Variants in HMBOX1 observed in about 807,000 individuals in gnomAD.
HMBOX1 encodes homeobox-containing protein 1.
A neutral mutation model predicts 54.5 loss-of-function variants in HMBOX1; 14 were observed. The ratio of observed to expected loss-of-function variants is 0.26; its 90% CI spans 0.17 to 0.40. The LOEUF (loss-of-function observed/expected upper bound fraction) is 0.40, where lower values mean the gene tolerates loss of function less well. Ranked by LOEUF, HMBOX1 falls within the 10% of genes least tolerant of loss-of-function variation. The pLI, the probability that HMBOX1 is intolerant of heterozygous loss-of-function variation, is 1.00. For synonymous variants in HMBOX1, 160 were observed against 181.0 expected, an observed-to-expected ratio of 0.88 and a Z score of 0.93; for missense variants, 332 against 514.4, an observed-to-expected ratio of 0.65 and a Z score of 3.43.
intron 1 of HMBOX1, among the ~76,000 whole-genome samples, chr8:28,936,799 T>TAA (rs58487085): frequency 1.3e-3 from 168 of 128,990 alleles, no homozygotes; most frequent in East Asian, 7.3e-3. Context: ...ACCAGAGGGT[T>TAA]AAAAAAAAAA....
intron 8 of HMBOX1, among the ~76,000 whole-genome samples, chr8:29,047,936 T>G (rs1052475649): frequency 2.6e-5 from 4 of 152,216 alleles, no homozygotes; most frequent in Non-Finnish European, 5.9e-5. Context: ...ACAGTTAGTA[T>G]TATTTACACT....
In HMBOX1 at chr8:29,047,527, A is replaced by G. The variant is rs10107494; in HGVS notation, c.1030+74A>G. Reference sequence around the variant, plus strand: ...TCATGTTTATATTAAGATTAACTTCAGTTTAGAAACTGCAAGTCTAAAGGA... The same window carrying G: ...TCATGTTTATATTAAGATTAACTTCGGTTTAGAAACTGCAAGTCTAAAGGA... On this transcript the variant is annotated intron_variant, in intron 8 of 9. Transcript: ENST00000287701. 5.5e-3 allele frequency: 4,169 copies of G among 756,600 alleles called. 121 individuals are homozygous for G. The African/African-American group carries it at 0.067, about 12-fold the overall frequency. The allele number at this position is 756,600 out of a possible 1,614,324, so 46.9% of individuals were successfully genotyped here.
chr8:28,930,840 C>T lies in HMBOX1; in HGVS notation c.-57-32971C>T, dbSNP rs183657887. 3.0e-3 allele frequency among the ~76,000 whole-genome samples: 463 copies of T among 152,174 alleles called. 5 individuals are homozygous for T. Among genetic ancestry groups the T allele is most frequent in the Admixed American group, 0.024 (369 of 15,278 alleles). On this transcript the variant is annotated intron_variant, in intron 1 of 9. Coordinates refer to ENST00000287701, the MANE Select transcript of HMBOX1 (RefSeq NM_001135726.3). The stretch of plus-strand genomic sequence containing the variant: ...ACCATGTGTTATTTAGCCTGTGCAT[C>T]CTTAAATTATTGTTTGATTTGTGTT...
chr8:29,016,547 T>C (rs1414192909), intron 5 of HMBOX1, among the ~76,000 whole-genome samples: 2 of 152,244 alleles, frequency 1.3e-5, no homozygotes, highest in East Asian at 1.9e-4. Context: ...CAGCATTTAT[T>C]ATCTCATAGT....
intron 1 of HMBOX1, among the ~76,000 whole-genome samples, chr8:28,909,076 C>T (rs1345846422): frequency 1.3e-5 from 2 of 148,292 alleles, no homozygotes; most frequent in East Asian, 3.9e-4. Flanking sequence ...AGATGGGTGA[C>T]AGAGTGAGAC....
At chr8:29,044,567 T>C (rs1805304001) in intron 6 of HMBOX1, among the ~76,000 whole-genome samples, 1 of 152,098 alleles carries the variant, frequency 6.6e-6, no homozygotes, top group Non-Finnish European at 1.5e-5. Flanking sequence ...CTAAGCCCCC[T>C]CCCCACAAAT....
intron 1 of HMBOX1, among the ~76,000 whole-genome samples, chr8:28,952,831 A>G (rs909091439): frequency 3.3e-5 from 5 of 152,220 alleles, no homozygotes; most frequent in Non-Finnish European, 5.9e-5. Flanking sequence ...ATGATATGTG[A>G]TATATGTAAC....
intron 9 of HMBOX1, chr8:29,049,442 G>T: frequency 6.6e-7 from 1 of 1,506,060 alleles, no homozygotes; most frequent in Non-Finnish European, 8.9e-7. Context: ...AGAAATACTA[G>T]GGGCAGCTGG....
At chr8:28,962,329 A>G (rs957808534) in intron 1 of HMBOX1, among the ~76,000 whole-genome samples, 1 of 152,190 alleles carries the variant, frequency 6.6e-6, no homozygotes, top group Non-Finnish European at 1.5e-5. Flanking sequence ...ATAAATTTGT[A>G]TCAGTGACTT....
chr8:29,027,020 T>A (rs1802157980), intron 6 of HMBOX1, among the ~76,000 whole-genome samples: 1 of 152,166 alleles, frequency 6.6e-6, no homozygotes. Context: ...AAAAAGGATT[T>A]TGTTGTTTTT....
chr8:28,957,220 G>T (rs929541635), intron 1 of HMBOX1, among the ~76,000 whole-genome samples: 1 of 152,160 alleles, frequency 6.6e-6, no homozygotes, highest in Non-Finnish European at 1.5e-5. Flanking sequence ...GCCATGGAAT[G>T]CTACCCATAA....
chr8:28,986,582 A>G (rs1487366649), intron 4 of HMBOX1, among the ~76,000 whole-genome samples: 4 of 152,190 alleles, frequency 2.6e-5, no homozygotes, highest in Admixed American at 6.5e-5. Context: ...CTTCTACATG[A>G]AAGATGTAAT....
chr8:28,928,154 A>G (rs1015471178), intron 1 of HMBOX1, among the ~76,000 whole-genome samples: 7 of 151,890 alleles, frequency 4.6e-5, no homozygotes, highest in African/African-American at 1.7e-4. Flanking sequence ...AAGAACTACT[A>G]CTACTACCAT....
At chr8:28,920,022 G>C (rs149526708) in intron 1 of HMBOX1, among the ~76,000 whole-genome samples, 1,644 of 151,902 alleles carry the variant, frequency 0.011, 32 homozygotes, top group African/African-American at 0.038. Context: ...GCTAGACCTA[G>C]AGATGTATTG....
At chr8:28,964,225 A>G (rs1033889410) in intron 2 of HMBOX1, among the ~76,000 whole-genome samples, 7 of 152,176 alleles carry the variant, frequency 4.6e-5, no homozygotes, top group African/African-American at 1.7e-4. Context: ...TAACAGTTCA[A>G]GAGAGCTAAT....
At chr8:28,927,472 C>T (rs1818731051) in intron 1 of HMBOX1, among the ~76,000 whole-genome samples, 2 of 151,978 alleles carry the variant, frequency 1.3e-5, no homozygotes, top group South Asian at 4.1e-4. Context: ...TACTTCCACT[C>T]ATGGTGGAAG....
chr8:29,021,631 G>A lies in HMBOX1; in HGVS notation c.851+2718G>A, dbSNP rs139563366. ...AGCACTTTGGGAGGCCGAGGCGGGC[G>A]GATCACGAGGCCAGGAGATCGAGAG... is the stretch of plus-strand genomic sequence containing the variant. On this transcript the variant is annotated intron_variant, in intron 6 of 9. Transcript: ENST00000287701. Among the ~76,000 whole-genome samples, 10 of 151,970 alleles carry A rather than the reference G, an allele frequency of 6.6e-5. No individual in the cohort carries two copies. In the East Asian group the frequency reaches 1.6e-3, roughly 24 times the overall value.
At chr8:28,905,248 G>T (rs185553148) in intron 1 of HMBOX1, among the ~76,000 whole-genome samples, 1 of 152,228 alleles carries the variant, frequency 6.6e-6, no homozygotes, top group East Asian at 1.9e-4. Flanking sequence ...TGTTGTTGTT[G>T]AAAAGAATTG....
intron 4 of HMBOX1, among the ~76,000 whole-genome samples, chr8:28,981,045 A>T (rs1271635660): frequency 6.6e-6 from 1 of 152,206 alleles, no homozygotes; most frequent in Non-Finnish European, 1.5e-5. Context: ...CTGATCTTCA[A>T]CAATAACTTA....
Sources: gnomAD v4.1 joint callset for allele counts (sites outside exome capture counted in the v4.1 genomes callset) on GRCh38, gnomAD v4.1.1 for gene constraint, MANE v1.5 for transcripts, NCBI Gene and HGNC (gene_info 2026-07-23, HGNC 2026-07-21) for gene names.